USHBP1: variants seen among roughly 807,000 people sequenced by gnomAD.
USHBP1 encodes USH1 protein network component harmonin binding protein 1.
Under a neutral mutation model 76.2 loss-of-function variants are expected in USHBP1, and 67 were observed. The ratio of observed to expected loss-of-function variants is 0.88; its 90% confidence interval spans 0.72 to 1.08. The LOEUF (loss-of-function observed/expected upper bound fraction) is 1.08, where lower values mean the gene tolerates loss of function less well. USHBP1 is among the 50% of genes least tolerant of loss of function. The pLI is 0.00. For synonymous variants in USHBP1, 322 were observed against 362.2 expected (o/e 0.89, Z 1.26); for missense variants, 931 against 915.0 (o/e 1.02, Z -0.23).
At position 17,251,665 on chromosome 19, in the gene USHBP1, C is replaced by A. The variant is rs1049379447; in HGVS notation, c.1839G>T (p.Arg613Ser). 6.2e-7 allele frequency: 1 copy of A among 1,613,890 alleles called. No homozygotes were observed. Among genetic ancestry groups the A allele is most frequent in the African/African-American group, 1.3e-5 (1 of 75,036 alleles). The change falls in exon 12 of 13, where the codon AGG (arginine) becomes AGT (serine). Residue 613 changes from arginine (R) to serine (S), a missense_variant. Arg to Ser is a moderately radical substitution (Grantham distance 110). Coordinates refer to ENST00000252597, the MANE Select transcript of USHBP1 (RefSeq NM_031941.4). ...CCTTCTGAGCCACCTGTTCCAGCTC[C>A]CTGCGCAGAGACTGCAGCTGCTCCT... is the stretch of plus-strand genomic sequence containing the variant. ...DLQEQLQSLR[R>S]ELEQVAQKGR... is the part of the protein sequence containing the mutation.
Position 17,249,395 on chromosome 19 carries a change from G to A in USHBP1, c.*830C>T, listed in dbSNP as rs995721648. 2 of 152,130 alleles carry A rather than the reference G, an allele frequency of 1.3e-5. No homozygotes were observed. The highest frequency in any genetic ancestry group is 2.1e-4 in the South Asian group (1 of 4,816). The allele number at this position is 152,130 out of a possible 1,614,324, so 9.4% of individuals were successfully genotyped here. On this transcript the variant is annotated 3_prime_UTR_variant, in exon 13 of 13. Coordinates refer to ENST00000252597, the MANE Select transcript of USHBP1 (RefSeq NM_031941.4). ...TTAGTAGAGACGGGGGTTTCACCAT[G>A]TTGGCCAAGCTGGTCTCAAGCTCCT... is the stretch of plus-strand genomic sequence containing the variant.
intron 10 of USHBP1, among the ~76,000 whole-genome samples, chr19:17,253,694 G>C (rs1460595998): frequency 2.0e-5 from 3 of 147,878 alleles, no homozygotes; most frequent in Admixed American, 6.7e-5. Context: ...AGGAGTTTGA[G>C]AGCAGCCTGG....
intron 10 of USHBP1, among the ~76,000 whole-genome samples, chr19:17,254,092 C>G (rs944397532): frequency 6.6e-6 from 1 of 151,812 alleles, no homozygotes; most frequent in African/African-American, 2.4e-5. Flanking sequence ...GCCTGTAATC[C>G]CAGCACTTTG....
At position 17,255,424 on chromosome 19, in the gene USHBP1, G is replaced by C; in HGVS notation, c.1653C>G (p.Ser551Arg). 6.2e-7 allele frequency: 1 copy of C among 1,614,076 alleles called. No individual in the cohort carries two copies. Among genetic ancestry groups the C allele is most frequent in the Non-Finnish European group, 8.5e-7 (1 of 1,179,986 alleles). ...CCTCGTCCCCGCTGCTGCCACCTCC[G>C]CTGCTATGTCCGCCACTGCTGTTTG... ...GGANSSGGHS[S>R]GGGSSGDEEE... Residue 551 changes from serine to arginine, a missense_variant, in exon 10 of 13, where the codon AGC becomes AGG. Physicochemically the swap from Ser to Arg is moderately radical, Grantham distance 110. Coordinates refer to ENST00000252597, the MANE Select transcript of USHBP1 (RefSeq NM_031941.4).
chr19:17,253,169 C>T lies in USHBP1; in HGVS notation c.1693-1152G>A, dbSNP rs574396413. Among the ~76,000 whole-genome samples the T allele has an allele frequency of 7.9e-5, 12 of 152,076 alleles. No individual in the cohort carries two copies. The South Asian group carries it at 2.1e-3, about 26-fold the overall frequency. ...ATTTTTAGTAGAGACAGGGTTTCAC[C>T]GTGTTAGCGAGGATGGTCTCGATCT... On this transcript the variant is annotated intron_variant, in intron 10 of 12. Transcript: ENST00000252597.
rs963591526 is a variant in USHBP1 at position 17,258,149 on chromosome 19, C to A, written c.1220+63G>T. ...CCGAAACGTGGTGAGCTCTGGGAGC[C>A]CCATCCCCCAGTCAAGACCCCACTC... On this transcript the variant is annotated intron_variant, in intron 8 of 12. Coordinates refer to ENST00000252597, the MANE Select transcript of USHBP1 (RefSeq NM_031941.4). The A allele has an allele frequency of 2.5e-6, 4 of 1,601,892 alleles. No homozygotes were observed. In the East Asian group the frequency reaches 6.7e-5, roughly 27 times the overall value.
intron 10 of USHBP1, among the ~76,000 whole-genome samples, chr19:17,253,217 CTCGGCCTCCCAAA>C (rs2073574538): frequency 6.6e-6 from 1 of 151,920 alleles, no homozygotes; most frequent in Non-Finnish European, 1.5e-5. Context: ...ATCCGCCCAA[CTCGGCCTCCCAAA>C]GTGCTAAGAT....
intron 10 of USHBP1, among the ~76,000 whole-genome samples, chr19:17,253,247 C>T (rs1295534293): frequency 6.7e-6 from 1 of 149,542 alleles, no homozygotes; most frequent in East Asian, 2.0e-4. Flanking sequence ...AGATTACAGG[C>T]TGGGATTACA....
chr19:17,255,903 A>G (rs2073613642), intron 9 of USHBP1, among the ~76,000 whole-genome samples: 1 of 152,190 alleles, frequency 6.6e-6, no homozygotes, highest in Non-Finnish European at 1.5e-5. Flanking sequence ...TGGGAGGCTG[A>G]GGCAGGAGAA....
At position 17,258,206 on chromosome 19, in the gene USHBP1, G is replaced by C. The variant is rs2073643970; in HGVS notation, c.1220+6C>G. ...CAGGCCAGTTCCCAGGGTTCCAGGG[G>C]GGTACCTTGGCTGTGGATTCTGCTG... On this transcript the variant is annotated splice_donor_region_variant and intron_variant, in intron 8 of 12. Transcript: ENST00000252597. The C allele has an allele frequency of 1.2e-6, 2 of 1,613,358 alleles. No homozygotes were observed. Among genetic ancestry groups the C allele is most frequent in the Non-Finnish European group, 1.7e-6 (2 of 1,180,024 alleles).
At chr19:17,260,240 G>A (rs918181240) in intron 4 of USHBP1, among the ~76,000 whole-genome samples, 9 of 152,304 alleles carry the variant, frequency 5.9e-5, no homozygotes, top group African/African-American at 2.2e-4. Flanking sequence ...CCCACTCTGG[G>A]GAAAAATGAA....
intron 11 of USHBP1, 102 bp downstream of exon 11, chr19:17,251,809 A>G: frequency 6.4e-7 from 1 of 1,563,928 alleles, no homozygotes; most frequent in Non-Finnish European, 8.6e-7. Flanking sequence ...ACACACCTGT[A>G]CACCGGGGTA....
chr19:17,261,493 G>GC (rs1453366599), intron 4 of USHBP1, among the ~76,000 whole-genome samples: 2 of 148,258 alleles, frequency 1.3e-5, no homozygotes, highest in Admixed American at 1.3e-4. Flanking sequence ...CCGCCACCAC[G>GC]CCGGCTAATT....
At position 17,252,205 on chromosome 19, in the gene USHBP1, AT is replaced by A. The variant is rs1036364521; in HGVS notation, c.1693-189del. ...GAAATATCCTATTTAATTAAAAAAA[AT>A]TTTTTTTGAGACAGAGTCTCACTCT... is the stretch of plus-strand genomic sequence containing the variant. On this transcript the variant is annotated intron_variant, in intron 10 of 12. Coordinates refer to ENST00000252597, the MANE Select transcript of USHBP1 (RefSeq NM_031941.4). 2.2e-4 allele frequency among the ~76,000 whole-genome samples: 34 copies of A among 151,940 alleles called. No homozygotes were observed. In the East Asian group the frequency reaches 4.7e-3, roughly 21 times the overall value.
rs773867096 is a variant in USHBP1 at position 17,253,910 on chromosome 19, GAAA to G, written c.1692+1472_1692+1474del. Among the ~76,000 whole-genome samples the G allele has an allele frequency of 2.7e-4, 36 of 132,000 alleles. No homozygotes were observed. In the East Asian group the frequency reaches 7.2e-3, roughly 26 times the overall value. The allele number at this position is 132,000 out of a possible 152,430, so 86.6% of individuals were successfully genotyped here. On this transcript the variant is annotated intron_variant, in intron 10 of 12. Transcript: ENST00000252597. Reference sequence around the variant, plus strand: ...TCCGTTTCCCAAAAAAAAAAAAAAAGAAAAAAAAAATTAAAGGCCAGGCGCTGT... The same window carrying G: ...TCCGTTTCCCAAAAAAAAAAAAAAAGAAAAAAATTAAAGGCCAGGCGCTGT...
chr19:17,251,460 G>A, intron 12 of USHBP1, 122 bp downstream of exon 12: 1 of 1,373,362 alleles, frequency 7.3e-7, no homozygotes, highest in Non-Finnish European at 1.0e-6. Context: ...CACCACACCT[G>A]ACCGTTACTG....
In USHBP1 at chr19:17,259,737, C is replaced by T; in HGVS notation, c.769-5G>A. On this transcript the variant is annotated splice_polypyrimidine_tract_variant and splice_region_variant and intron_variant, in intron 5 of 12. Coordinates refer to ENST00000252597, the MANE Select transcript of USHBP1 (RefSeq NM_031941.4). ...GTGAGCCAGGGAGAAGGAGTCCTGC[C>T]AAGAAGAAGTGATATAACTGACCCC... is the stretch of plus-strand genomic sequence containing the variant. 6.2e-7 allele frequency: 1 copy of T among 1,606,930 alleles called. No individual in the cohort carries two copies. Among genetic ancestry groups the T allele is most frequent in the Non-Finnish European group, 8.5e-7 (1 of 1,177,008 alleles).
At chr19:17,263,711 A>C in intron 3 of USHBP1, 1 of 310,814 alleles carries the variant, frequency 3.2e-6, no homozygotes, top group South Asian at 7.9e-5. Context: ...TGTCTCACTA[A>C]AAATGCAAAA....
Position 17,256,640 on chromosome 19 carries a change from T to A in USHBP1, c.1301A>T (p.Glu434Val), listed in dbSNP as rs751636753. Residue 434 changes from glutamate to valine, a missense_variant, in exon 9 of 13, where the codon GAG becomes GTG. By Grantham distance (121) the Glu-to-Val change is moderately radical (BLOSUM62 -2). Transcript: ENST00000252597. ...QLRSYVQRLQ[E>V]RRSLMKILSE... ...GAGAATCTTCATTAGAGAACGGCGC[T>A]CCTGGAGACGCTGGACATAGCTTCG... is the stretch of plus-strand genomic sequence containing the variant. 1 of 1,614,208 alleles carries A rather than the reference T, an allele frequency of 6.2e-7. No individual in the cohort carries two copies. Among genetic ancestry groups the A allele is most frequent in the Non-Finnish European group, 8.5e-7 (1 of 1,180,028 alleles).
Sources: gnomAD v4.1 joint callset for allele counts (sites outside exome capture counted in the v4.1 genomes callset) on GRCh38, gnomAD v4.1.1 for gene constraint, MANE v1.5 for transcripts, NCBI Gene and HGNC (gene_info 2026-07-23, HGNC 2026-07-21) for gene names.